The following GRIN2A variants were observed in gnomAD, a reference collection of about 807,000 sequenced individuals.
GRIN2A encodes the protein glutamate ionotropic receptor NMDA type subunit 2A.
Under a neutral mutation model 113.4 loss-of-function variants are expected in GRIN2A, and 22 were observed. That is an observed-to-expected ratio of 0.19 (90% CI 0.14 to 0.28). The LOEUF is 0.28. Among genes scored for constraint, GRIN2A ranks in the 10% least tolerant of loss-of-function variants. The pLI, the probability that GRIN2A is intolerant of heterozygous loss-of-function variation, is 1.00. For missense variants in GRIN2A, 1,502 were observed against 1,887.0 expected, an observed-to-expected ratio of 0.80 and a Z score of 3.78; for synonymous variants, 827 against 738.4, an observed-to-expected ratio of 1.12 and a Z score of -1.94.
chr16:9,791,156 C>T (rs762222933), intron 11 of GRIN2A, among the ~76,000 whole-genome samples: 6 of 152,184 alleles, frequency 3.9e-5, no homozygotes, highest in African/African-American at 7.2e-5. Context: ...TCTTGCTTTG[C>T]TAAATGCCAC....
At chr16:9,877,577 G>A (rs2043392455) in intron 4 of GRIN2A, among the ~76,000 whole-genome samples, 1 of 151,380 alleles carries the variant, frequency 6.6e-6, no homozygotes, top group Non-Finnish European at 1.5e-5. Context: ...CTGTTACTTT[G>A]TTCTCTCTCT....
chr16:9,798,458 C>G lies in GRIN2A; in HGVS notation c.2175G>C (p.Leu725=), dbSNP rs369025075. The G allele has an allele frequency of 6.2e-7, 1 of 1,613,842 alleles. No individual in the cohort carries two copies. The highest frequency in any genetic ancestry group is 1.3e-5 in the African/African-American group (1 of 74,904). ...CTGCGGCATCGTAGATGAAAGCGTC[C>G]AGCTTCCTGAAATGACAAGAAACCA... ...DALVSLKTGK[L]DAFIYDAAVL... Residue 725 remains leucine (L), a synonymous_variant, in exon 11 of 13, where the codon CTG becomes CTC. Coordinates refer to ENST00000330684, the MANE Select transcript of GRIN2A (RefSeq NM_001134407.3).
intron 2 of GRIN2A, among the ~76,000 whole-genome samples, chr16:10,139,742 T>C (rs2049283149): frequency 6.6e-6 from 1 of 152,246 alleles, no homozygotes; most frequent in Non-Finnish European, 1.5e-5. Flanking sequence ...CAGGTTATTT[T>C]TAATATCAGA....
rs72774032 is a variant in GRIN2A at position 9,987,313 on chromosome 16, A to C, written c.415-48762T>G. On this transcript the variant is annotated intron_variant, in intron 2 of 12. Coordinates refer to ENST00000330684, the MANE Select transcript of GRIN2A (RefSeq NM_001134407.3). ...ATATTTCTTCCTTTTATAAAACATT[A>C]ATTTTGTAGGTGCATATGAAAGCCA... Among the ~76,000 whole-genome samples the C allele has an allele frequency of 4.7e-3, 714 of 152,350 alleles. 6 individuals carry two copies. The Middle Eastern group carries it at 0.054, about 12-fold the overall frequency.
intron 10 of GRIN2A, among the ~76,000 whole-genome samples, chr16:9,820,330 A>C (rs1178587205): frequency 6.6e-6 from 1 of 152,248 alleles, no homozygotes; most frequent in Admixed American, 6.5e-5. Flanking sequence ...CAATGGAAAC[A>C]AACAAAAATC....
intron 10 of GRIN2A, among the ~76,000 whole-genome samples, chr16:9,804,129 T>C (rs1222751947): frequency 6.6e-6 from 1 of 152,128 alleles, no homozygotes; most frequent in East Asian, 1.9e-4. Context: ...CCATAGCTTC[T>C]TGTTGAAGAT....
chr16:10,127,753 C>T (rs2048972775), intron 2 of GRIN2A, among the ~76,000 whole-genome samples: 1 of 152,180 alleles, frequency 6.6e-6, no homozygotes, highest in South Asian at 2.1e-4. Flanking sequence ...GCCAGCACCA[C>T]CGCTATCTAC....
intron 11 of GRIN2A, among the ~76,000 whole-genome samples, chr16:9,783,446 A>C (rs1441565488): frequency 6.6e-6 from 1 of 152,266 alleles, no homozygotes; most frequent in African/African-American, 2.4e-5. Flanking sequence ...TTTGGAAGCA[A>C]TAAAGGCTTT....
rs76304881 is a variant in GRIN2A, at chr16:9,994,209, G to T, written c.415-55658C>A. 9.2e-5 allele frequency among the ~76,000 whole-genome samples: 14 copies of T among 152,182 alleles called. No individual in the cohort carries two copies. In the South Asian group the frequency reaches 2.7e-3, roughly 29 times the overall value. ...GGCTCATTTTTCCAATTTCCAACGC[G>T]AACTGCTGAAGAGGGCCCTGCACCT... On this transcript the variant is annotated intron_variant, in intron 2 of 12. Coordinates refer to ENST00000330684, the MANE Select transcript of GRIN2A (RefSeq NM_001134407.3).
intron 2 of GRIN2A, among the ~76,000 whole-genome samples, chr16:10,166,973 T>C (rs1001549914): frequency 3.3e-5 from 5 of 152,218 alleles, no homozygotes; most frequent in African/African-American, 1.2e-4. Context: ...ACATATAGCA[T>C]AGAAAATTTG....
chr16:10,015,349 G>A (rs1466015171), intron 2 of GRIN2A, among the ~76,000 whole-genome samples: 2 of 147,194 alleles, frequency 1.4e-5, no homozygotes, highest in Admixed American at 6.8e-5. Flanking sequence ...TAGGAGGAAA[G>A]AATAGAGAGG....
chr16:9,783,071 T>C (rs73498512), intron 11 of GRIN2A, among the ~76,000 whole-genome samples: 5,110 of 152,284 alleles, frequency 0.034, 265 homozygotes, highest in African/African-American at 0.11. Context: ...ACTTAGTTGT[T>C]GGGGCATCAG....
chr16:9,836,971 G>C (rs759936125), intron 7 of GRIN2A, among the ~76,000 whole-genome samples: 1 of 152,194 alleles, frequency 6.6e-6, no homozygotes, highest in Non-Finnish European at 1.5e-5. Context: ...CTCTGTCCTT[G>C]AAGAGCCACT....
rs3033377 is a variant in GRIN2A, at chr16:10,086,605, CAAAAA to C, written c.414+93388_414+93392del. Among the ~76,000 whole-genome samples, 46 of 99,692 alleles carry C rather than the reference CAAAAA, an allele frequency of 4.6e-4. 1 individual carries two copies. Among genetic ancestry groups the C allele is most frequent in the African/African-American group, 1.7e-3 (42 of 24,448 alleles). 65.4% of individuals were successfully genotyped at this position (99,692 alleles called of 152,430 possible). A position where few individuals can be genotyped will look rare whatever the true frequency, so the allele number is the denominator to read the frequency against. On this transcript the variant is annotated intron_variant, in intron 2 of 12. Transcript: ENST00000330684. ...ACCATACCAGGGGGTGGAGCAGCTCCAAAAAAAAAAAAAAAAAAAAAGGAAACAGA... is the reference window on the plus strand; with the variant it reads ...ACCATACCAGGGGGTGGAGCAGCTCCAAAAAAAAAAAAAAAAGGAAACAGA...
Position 9,760,502 on chromosome 16 carries a change from G to T in GRIN2A, c.*2647C>A, listed in dbSNP as rs140266832. ...GATTATTTATTTGAAAAAACACTTC[G>T]GTCAGTGAAAAGAATATATATTTTT... On this transcript the variant is annotated 3_prime_UTR_variant, in exon 13 of 13. Transcript: ENST00000330684. The T allele has an allele frequency of 9.5e-4, 199 of 209,296 alleles. No individual in the cohort carries two copies. Among genetic ancestry groups the T allele is most frequent in the African/African-American group, 4.5e-3 (191 of 42,442 alleles). The allele number at this position is 209,296 out of a possible 1,614,324, so 13.0% of individuals were successfully genotyped here.
chr16:9,956,244 T>C (rs1237743368), intron 2 of GRIN2A, among the ~76,000 whole-genome samples: 1 of 152,212 alleles, frequency 6.6e-6, no homozygotes, highest in African/African-American at 2.4e-5. Flanking sequence ...GTTTCTGTTA[T>C]TTTCATGTTT....
rs1359899146 is a variant in GRIN2A at position 9,759,377 on chromosome 16, TA to T, written c.*3771del. ...ATTTCCTGTGAAGGATGCAGAATAT[TA>T]AATACACATCAGTGGTCGACATAGC... On this transcript the variant is annotated 3_prime_UTR_variant, in exon 13 of 13. Transcript: ENST00000330684. 3 of 224,852 alleles carry T rather than the reference TA, an allele frequency of 1.3e-5. No individual in the cohort carries two copies. In the Admixed American group the frequency reaches 1.7e-4, roughly 13 times the overall value. 13.9% of individuals were successfully genotyped at this position (224,852 alleles called of 1,614,324 possible).
At chr16:10,160,568 G>A (rs1310675099) in intron 2 of GRIN2A, among the ~76,000 whole-genome samples, 4 of 152,200 alleles carry the variant, frequency 2.6e-5, no homozygotes, top group Non-Finnish European at 4.4e-5. Flanking sequence ...CTGCATTGTT[G>A]ATGATTCATC....
At chr16:10,038,554 A>G (rs1434313867) in intron 2 of GRIN2A, among the ~76,000 whole-genome samples, 2 of 151,904 alleles carry the variant, frequency 1.3e-5, no homozygotes, top group Non-Finnish European at 2.9e-5. Context: ...AAAAACCTAG[A>G]TATTGCCGGC....
Sources: gnomAD v4.1 joint callset for allele counts (sites outside exome capture counted in the v4.1 genomes callset) on GRCh38, gnomAD v4.1.1 for gene constraint, MANE v1.5 for transcripts, NCBI Gene and HGNC (gene_info 2026-07-23, HGNC 2026-07-21) for gene names.